Variants in ABCB7 observed in about 807,000 individuals in gnomAD.
ABCB7 encodes ATP binding cassette subfamily B member 7.
ABCB7 carries 7 observed loss-of-function variants against 54.4 expected under a neutral mutation model. The ratio of observed to expected loss-of-function variants is 0.13; its 90% CI spans 0.07 to 0.24. The LOEUF (loss-of-function observed/expected upper bound fraction) is 0.24, where lower values mean the gene tolerates loss of function less well. ABCB7 is among the 10% of genes least tolerant of loss of function. ABCB7 has a pLI of 1.00. For missense variants in ABCB7, 356 were observed against 570.4 expected (o/e 0.62, Z 3.83); for synonymous variants, 218 against 207.1 (o/e 1.05, Z -0.45).
intron 1 of ABCB7, among the ~76,000 whole-genome samples, chrX:75,127,100 A>G (rs1055659687): frequency 2.1e-4 from 23 of 111,774 alleles, no homozygotes; most frequent in African/African-American, 6.8e-4. Context: ...GCAGAGACAC[A>G]ACAAAAAAAG....
chrX:75,129,240 T>A (rs1363116818), intron 1 of ABCB7, among the ~76,000 whole-genome samples: 1 of 111,533 alleles, frequency 9.0e-6, no homozygotes, highest in Non-Finnish European at 1.9e-5. Flanking sequence ...ATGTAGCACA[T>A]ACACACCATG....
chrX:75,150,381 C>T (rs754631193), intron 1 of ABCB7, among the ~76,000 whole-genome samples: 1 of 111,045 alleles, frequency 9.0e-6, no homozygotes, highest in Non-Finnish European at 1.9e-5. Context: ...AGGAGAAAAT[C>T]AAAACAACAA....
intron 4 of ABCB7, among the ~76,000 whole-genome samples, chrX:75,090,626 A>G (rs1351298369): frequency 9.0e-6 from 1 of 110,712 alleles, no homozygotes; most frequent in Non-Finnish European, 1.9e-5. Context: ...CAAAGTAAGC[A>G]GAAGAATAAA....
chrX:75,073,334 T>C (rs2081380294), intron 8 of ABCB7, among the ~76,000 whole-genome samples: 1 of 111,937 alleles, frequency 8.9e-6, no homozygotes, highest in African/African-American at 3.2e-5. Flanking sequence ...GAGTAATGAA[T>C]TGTGCTACAA....
At chrX:75,103,293 T>C (rs2081654988) in intron 3 of ABCB7, among the ~76,000 whole-genome samples, 1 of 111,663 alleles carries the variant, frequency 9.0e-6, no homozygotes, top group Admixed American at 9.5e-5. Flanking sequence ...TTGATTTTTG[T>C]ACATGGTGAG....
intron 1 of ABCB7, among the ~76,000 whole-genome samples, chrX:75,126,029 G>A (rs778339024): frequency 1.2e-3 from 134 of 111,170 alleles, no homozygotes; most frequent in African/African-American, 4.2e-3. Context: ...TAGAATACTT[G>A]TTTTCACAAA....
At chrX:75,145,271 C>G (rs946025160) in intron 1 of ABCB7, among the ~76,000 whole-genome samples, 18 of 111,060 alleles carry the variant, frequency 1.6e-4, no homozygotes, top group African/African-American at 4.9e-4. Flanking sequence ...GGCAGAGACA[C>G]AACACCAAAA....
intron 10 of ABCB7, among the ~76,000 whole-genome samples, chrX:75,069,932 T>A (rs2081350919): frequency 9.0e-6 from 1 of 111,163 alleles, no homozygotes; most frequent in Non-Finnish European, 1.9e-5. Flanking sequence ...TGGAGTGCAA[T>A]GGCAGGATCT....
intron 1 of ABCB7, among the ~76,000 whole-genome samples, chrX:75,132,437 C>T (rs1026845782): frequency 2.7e-4 from 31 of 113,020 alleles, no homozygotes; most frequent in Non-Finnish European, 5.2e-4. Context: ...AAGGAACAAG[C>T]GAAAGGCCCT....
At chrX:75,087,767 T>C (rs1014111965) in intron 4 of ABCB7, among the ~76,000 whole-genome samples, 5 of 112,200 alleles carry the variant, frequency 4.5e-5, no homozygotes, top group Admixed American at 9.5e-5. Context: ...AGGTATGACA[T>C]AGAAAGGGAC....
chrX:75,093,091 G>A (rs190709985), intron 4 of ABCB7, among the ~76,000 whole-genome samples: 65 of 111,817 alleles, frequency 5.8e-4, no homozygotes, highest in African/African-American at 2.0e-3. Context: ...GAAAACTTAT[G>A]GCCACACAAA....
Position 75,051,838 on chromosome X carries a change from A to C in ABCB7, c.*1532T>G, listed in dbSNP as rs762869415. 4.4e-5 allele frequency: 5 copies of C among 112,769 alleles called. No individual in the cohort carries two copies. The highest frequency in any genetic ancestry group is 9.4e-5 in the Non-Finnish European group (5 of 53,321). 9.3% of individuals were successfully genotyped at this position (112,769 alleles called of 1,213,427 possible). The stretch of plus-strand genomic sequence containing the variant: ...TTTATACACGTGTGAGCATGTGCAT[A>C]CATGCACGACATCCCATTTACTTGT... On this transcript the variant is annotated 3_prime_UTR_variant, in exon 16 of 16. Coordinates refer to ENST00000373394, the MANE Select transcript of ABCB7 (RefSeq NM_001271696.3).
chrX:75,066,287 T>C (rs1019903036), intron 12 of ABCB7, among the ~76,000 whole-genome samples: 2 of 111,303 alleles, frequency 1.8e-5, no homozygotes, highest in Admixed American at 9.6e-5. Context: ...TTTAACATCA[T>C]AATCAGACCA....
At chrX:75,069,563 G>T (rs2081347364) in intron 10 of ABCB7, 109 bp from the exon 11 acceptor site, 2 of 864,951 alleles carry the variant, frequency 2.3e-6, no homozygotes, top group African/African-American at 4.0e-5. Flanking sequence ...AAAAGAAGGA[G>T]GTTTATAAGT....
At chrX:75,139,935 A>G (rs1273600152) in intron 1 of ABCB7, among the ~76,000 whole-genome samples, 1 of 112,045 alleles carries the variant, frequency 8.9e-6, no homozygotes, top group East Asian at 2.8e-4. Flanking sequence ...AACTGTACAT[A>G]CACATATTAG....
intron 1 of ABCB7, among the ~76,000 whole-genome samples, chrX:75,128,562 C>A (rs954567391): frequency 9.0e-6 from 1 of 111,695 alleles, no homozygotes; most frequent in African/African-American, 3.3e-5. Flanking sequence ...GACTAAAACA[C>A]CAAAAGCAAA....
intron 1 of ABCB7, 128 bp downstream of exon 1, chrX:75,155,977 T>A (rs1362104644): frequency 6.5e-6 from 5 of 768,995 alleles, no homozygotes; most frequent in Non-Finnish European, 9.6e-6. Flanking sequence ...TTCCTTCACT[T>A]ACTGCTGCTC....
chrX:75,123,040 G>A (rs1000882526), intron 1 of ABCB7, among the ~76,000 whole-genome samples: 2 of 111,002 alleles, frequency 1.8e-5, no homozygotes, highest in African/African-American at 6.6e-5. Context: ...GTTTGATTTA[G>A]ACCTACTTGT....
At chrX:75,104,055 T>TGTTTTTTTTG (rs1569233190) in intron 3 of ABCB7, among the ~76,000 whole-genome samples, 1 of 49,926 alleles carries the variant, frequency 2.0e-5, no homozygotes, top group Non-Finnish European at 3.5e-5. Context: ...CAGTTTTTTT[T>TGTTTTTTTTG]TTTTTTTTTT....
Sources: allele counts gnomAD v4.1 joint callset (sites outside exome capture counted in the v4.1 genomes callset), GRCh38; gene constraint gnomAD v4.1.1; transcripts MANE v1.5; gene names NCBI Gene and HGNC (gene_info 2026-07-23, HGNC 2026-07-21).